The following FHIP2B variants were observed in gnomAD, a reference collection of about 807,000 sequenced individuals.
FHIP2B encodes FHF complex subunit HOOK interacting protein 2B, also known as FHF complex subunit HOOK-interacting protein 2B.
Under a neutral mutation model 84.0 loss-of-function variants are expected in FHIP2B, and 72 were observed. The ratio of observed to expected loss-of-function variants is 0.86; its 90% confidence interval spans 0.71 to 1.04. The LOEUF (loss-of-function observed/expected upper bound fraction) is 1.04. Ranked by LOEUF, FHIP2B falls within the 50% of genes least tolerant of loss-of-function variation. FHIP2B has a pLI of 0.00. For synonymous variants in FHIP2B, 497 were observed against 418.7 expected, an observed-to-expected ratio of 1.19 and a Z score of -2.28; for missense variants, 972 against 968.9, an observed-to-expected ratio of 1.00 and a Z score of -0.04.
At chr8:22,089,375 C>G in intron 1 of FHIP2B, 77 bp downstream of exon 1, 2 of 898,766 alleles carry the variant, frequency 2.2e-6, no homozygotes, top group Non-Finnish European at 2.7e-6. Flanking sequence ...GAGCCGGGCG[C>G]GGCCCGCAGG....
rs755238365 is a variant in FHIP2B, at chr8:22,098,530, G to A, written c.876G>A (p.Ala292=). Residue 292 remains alanine (A), a synonymous_variant, in exon 7 of 17, where the codon GCG becomes GCA. Transcript: ENST00000289921. ...YLVQSSACCP[A]IVRHLCQLYR... ...TACAGAGCAGCGCCTGCTGCCCTGC[G>A]ATCGTCCGGCACCTTTGCCAGTTGT... The A allele has an allele frequency of 1.3e-5, 21 of 1,612,964 alleles. No individual in the cohort carries two copies. In the Middle Eastern group the frequency reaches 9.9e-4, roughly 76 times the overall value.
At position 22,097,495 on chromosome 8, in the gene FHIP2B, G is replaced by A. The variant is rs201549579; in HGVS notation, c.298-21G>A. 4.4e-3 allele frequency: 6,843 copies of A among 1,553,734 alleles called. 62 individuals carry two copies. Among genetic ancestry groups the A allele is most frequent in the Admixed American group, 6.9e-3 (384 of 55,658 alleles). On this transcript the variant is annotated intron_variant, in intron 3 of 16. Coordinates refer to ENST00000289921, the MANE Select transcript of FHIP2B (RefSeq NM_022749.7). Reference sequence around the variant, plus strand: ...CAGGCAGGGGACACGGCTCTGACAGGCGCTCTGTCCCTGGCCTCAGTACCC... The same window carrying A: ...CAGGCAGGGGACACGGCTCTGACAGACGCTCTGTCCCTGGCCTCAGTACCC...
chr8:22,100,365 G>T, intron 10 of FHIP2B: 1 of 452,312 alleles, frequency 2.2e-6, no homozygotes, highest in East Asian at 3.5e-5. Context: ...GAAGCGAATT[G>T]GCTTGCCTGA....
In FHIP2B at chr8:22,103,348, C is replaced by T. The variant is rs1826229760; in HGVS notation, c.*417C>T. On this transcript the variant is annotated 3_prime_UTR_variant, in exon 17 of 17. Coordinates refer to ENST00000289921, the MANE Select transcript of FHIP2B (RefSeq NM_022749.7). ...GGAGCCCAGGCCAGTGAGATGGGGC[C>T]TGGAGCCTTGTCTGTGTCACATTAG... 5.8e-6 allele frequency: 1 copy of T among 171,408 alleles called. No homozygotes were observed. The highest frequency in any genetic ancestry group is 5.9e-5 in the Admixed American group (1 of 17,042). The allele number at this position is 171,408 out of a possible 1,614,324, so 10.6% of individuals were successfully genotyped here. A position where few individuals can be genotyped will look rare whatever the true frequency, so the allele number is the denominator to read the frequency against.
At position 22,104,831 on chromosome 8, in the gene FHIP2B, T is replaced by TAAAAAAAAAAAAAAA. The variant is rs60525064; in HGVS notation, c.*1904_*1918dup. ...CTGGGCAATAGAGTAAGACCCTGTCTAAAAAAAAAAAAAAAAAATTTCACA... is the reference window on the plus strand; with the variant it reads ...CTGGGCAATAGAGTAAGACCCTGTCTAAAAAAAAAAAAAAAAAAAAAAAAAAAAAAAAATTTCACA... On this transcript the variant is annotated 3_prime_UTR_variant, in exon 17 of 17. Coordinates refer to ENST00000289921, the MANE Select transcript of FHIP2B (RefSeq NM_022749.7). 3.6e-4 allele frequency: 46 copies of TAAAAAAAAAAAAAAA among 126,494 alleles called. 1 individual carries two copies. The highest frequency in any genetic ancestry group is 1.3e-3 in the African/African-American group (42 of 31,964). 7.8% of individuals were successfully genotyped at this position (126,494 alleles called of 1,614,324 possible). A position where few individuals can be genotyped will look rare whatever the true frequency, so the allele number is the denominator to read the frequency against.
chr8:22,100,858 A>T lies in FHIP2B; in HGVS notation c.1502A>T (p.Asp501Val), dbSNP rs1415375280. 1 of 1,613,512 alleles carries T rather than the reference A, an allele frequency of 6.2e-7. No individual in the cohort carries two copies. Residue 501 changes from aspartate to valine, a missense_variant, in exon 12 of 17, where the codon GAC becomes GTC. Coordinates refer to ENST00000289921, the MANE Select transcript of FHIP2B (RefSeq NM_022749.7). ...SYEDTLDLEEDPYFTDSFLDS... is the reference protein window; with the variant it reads ...SYEDTLDLEEVPYFTDSFLDS... ...CCTGGCCACAGAGACCTGGAGGAAG[A>T]CCCCTACTTCACCGACAGCTTCCTG...
In FHIP2B at chr8:22,098,969, T is replaced by A. The variant is rs748850280; in HGVS notation, c.987T>A (p.Asp329Glu). ...TCAGGTTACCCAGTGCCCCGTCTGATGAGGCTTCCTTCCCTGGCAAGGAGG... is the reference window on the plus strand; with the variant it reads ...TCAGGTTACCCAGTGCCCCGTCTGAAGAGGCTTCCTTCCCTGGCAAGGAGG... Reference protein sequence around the residue: ...ISWRLPSAPSDEASFPGKEAL... With the variant: ...ISWRLPSAPSEEASFPGKEAL... The change falls in exon 8 of 17, where the codon GAT (aspartate) becomes GAA (glutamate). Residue 329 changes from aspartate (D) to glutamate (E), a missense_variant. Physicochemically the swap from Asp to Glu is conservative, Grantham distance 45. Transcript: ENST00000289921. 6.2e-7 allele frequency: 1 copy of A among 1,606,976 alleles called. No individual in the cohort carries two copies. The highest frequency in any genetic ancestry group is 1.7e-5 in the Admixed American group (1 of 59,344).
intron 15 of FHIP2B, 96 bp downstream of exon 15, chr8:22,102,411 G>GGGGGGGGGGGGC: frequency 2.4e-5 from 14 of 586,862 alleles, no homozygotes; most frequent in Non-Finnish European, 4.3e-5. Context: ...GGAGGGGTGG[G>GGGGGGGGGGGGC]CACCCTTGCC....
chr8:22,090,405 C>T (rs1825426595), intron 1 of FHIP2B, among the ~76,000 whole-genome samples: 1 of 152,208 alleles, frequency 6.6e-6, no homozygotes. Flanking sequence ...ACTTCCTCCA[C>T]CTTCCCAGCC....
rs1196727777 is a variant in FHIP2B at position 22,089,174 on chromosome 8, C to A, written c.-80C>A. 3 of 942,190 alleles carry A rather than the reference C, an allele frequency of 3.2e-6. No individual in the cohort carries two copies. Among genetic ancestry groups the A allele is most frequent in the Non-Finnish European group, 3.9e-6 (3 of 775,944 alleles). The allele number at this position is 942,190 out of a possible 1,614,324, so 58.4% of individuals were successfully genotyped here. On this transcript the variant is annotated 5_prime_UTR_variant, in exon 1 of 17. Transcript: ENST00000289921. ...CGCCCCCCTCGTCGCGCCGGGGCCGCCGGGGCCACGGGGCTGCCTCCTCCG... is the reference window on the plus strand; with the variant it reads ...CGCCCCCCTCGTCGCGCCGGGGCCGACGGGGCCACGGGGCTGCCTCCTCCG...
rs1826054400 is a variant in FHIP2B at position 22,100,648 on chromosome 8, G to A, written c.1396G>A (p.Gly466Arg). 1.9e-6 allele frequency: 3 copies of A among 1,601,604 alleles called. No homozygotes were observed. In the East Asian group the frequency reaches 6.7e-5, roughly 36 times the overall value. The change falls in exon 11 of 17, where the codon GGG becomes AGG. Residue 466 changes from glycine to arginine, a missense_variant. Gly to Arg is a moderately radical substitution (Grantham distance 125). Coordinates refer to ENST00000289921, the MANE Select transcript of FHIP2B (RefSeq NM_022749.7). Reference sequence around the variant, plus strand: ...GGAGCTGCTGCAGAAGCCCCACGAGGGGATCATCCACAGCCTGGTCCTGCG... The same window carrying A: ...GGAGCTGCTGCAGAAGCCCCACGAGAGGATCATCCACAGCCTGGTCCTGCG... ...FEELLQKPHE[G>R]IIHSLVLRNL...
chr8:22,101,772 C>G lies in FHIP2B; in HGVS notation c.1772C>G (p.Pro591Arg). 6.2e-7 allele frequency: 1 copy of G among 1,613,480 alleles called. No individual in the cohort carries two copies. The highest frequency in any genetic ancestry group is 8.5e-7 in the Non-Finnish European group (1 of 1,179,790). Reference sequence around the variant, plus strand: ...CCTCTGACCCCCACACCTTTGGACCCCCATGAGCCCGAGCGACCTTTCTTC... The same window carrying G: ...CCTCTGACCCCCACACCTTTGGACCGCCATGAGCCCGAGCGACCTTTCTTC... ...GWPLTPTPLD[P>R]HEPERPFFEG... The change falls in exon 14 of 17, where the codon CCC (proline) becomes CGC (arginine). Residue 591 changes from proline (P) to arginine (R), a missense_variant. By Grantham distance (103) the Pro-to-Arg change is moderately radical. Transcript: ENST00000289921.
Position 22,098,502 on chromosome 8 carries a change from T to C in FHIP2B, c.848T>C (p.Leu283Pro). ...SMASPAAATY[L>P]VQSSACCPAI... is the part of the protein sequence containing the mutation. ...GCCTCCCCAGCAGCTGCCACCTACC[T>C]GGTACAGAGCAGCGCCTGCTGCCCT... Residue 283 changes from leucine to proline, a missense_variant, in exon 7 of 17, where the codon CTG becomes CCG. Transcript: ENST00000289921. The C allele has an allele frequency of 3.1e-6, 5 of 1,613,252 alleles. No homozygotes were observed. The highest frequency in any genetic ancestry group is 4.2e-6 in the Non-Finnish European group (5 of 1,179,718).
intron 1 of FHIP2B, among the ~76,000 whole-genome samples, chr8:22,090,302 TTCCTCCCCACCACC>T (rs1458550103): frequency 6.6e-6 from 1 of 152,184 alleles, no homozygotes; most frequent in Non-Finnish European, 1.5e-5. Flanking sequence ...TTCACCCTCC[TTCCTCCCCACCACC>T]TCCTCCCCAA....
intron 9 of FHIP2B, 85 bp from the exon 10 acceptor site, chr8:22,099,619 C>T (rs1291156182): frequency 1.3e-5 from 19 of 1,420,340 alleles, no homozygotes; most frequent in East Asian, 6.9e-5. Context: ...GCCAAACATG[C>T]GAGGCAAGCA....
chr8:22,101,527 C>A lies in FHIP2B; in HGVS notation c.1704C>A (p.Gly568=). 1 of 1,610,052 alleles carries A rather than the reference C, an allele frequency of 6.2e-7. No individual in the cohort carries two copies. Among genetic ancestry groups the A allele is most frequent in the Non-Finnish European group, 8.5e-7 (1 of 1,177,180 alleles). ...ACACATACGTCCACGATGCTTATGG[C>A]CTGGTGAGTGGCTCCTGCTACCAGC... ...GYDTYVHDAY[G]LFQECSSRVA... The change falls in exon 13 of 17, where the codon GGC becomes GGA. Residue 568 remains glycine, a synonymous_variant. Coordinates refer to ENST00000289921, the MANE Select transcript of FHIP2B (RefSeq NM_022749.7).
At chr8:22,091,394 C>A (rs1035678270) in intron 1 of FHIP2B, among the ~76,000 whole-genome samples, 4 of 151,986 alleles carry the variant, frequency 2.6e-5, no homozygotes, top group Non-Finnish European at 5.9e-5. Context: ...CAGGGCTGCG[C>A]CACCACGCCC....
chr8:22,099,639 C>T (rs901045053), intron 9 of FHIP2B, 65 bp from the exon 10 acceptor site: 17 of 1,488,632 alleles, frequency 1.1e-5, no homozygotes, highest in African/African-American at 5.6e-5. Context: ...AGGAAGGGTT[C>T]GGCCACCCGC....
chr8:22,098,188 G>A lies in FHIP2B; in HGVS notation c.646G>A (p.Asp216Asn), dbSNP rs780878781. The A allele has an allele frequency of 6.3e-7, 1 of 1,577,498 alleles. No homozygotes were observed. Among genetic ancestry groups the A allele is most frequent in the East Asian group, 2.3e-5 (1 of 42,764 alleles). ...TGGTGCTCCTGCCAGGCCCCAGCTG[G>A]ACGGGGAGTCCTGTGGGGCCCAGGC... is the stretch of plus-strand genomic sequence containing the variant. Reference protein sequence around the residue: ...HDGAPARPQLDGESCGAQALN... With the variant: ...HDGAPARPQLNGESCGAQALN... The change falls in exon 6 of 17, where the codon GAC becomes AAC. Residue 216 changes from aspartate (D) to asparagine (N), a missense_variant. By Grantham distance (23) the Asp-to-Asn change is conservative (BLOSUM62 1). Transcript: ENST00000289921.
Sources: allele counts gnomAD v4.1 joint callset (sites outside exome capture counted in the v4.1 genomes callset), GRCh38; gene constraint gnomAD v4.1.1; transcripts MANE v1.5; gene names NCBI Gene and HGNC (gene_info 2026-07-23, HGNC 2026-07-21).